The following TMEM165 variants were observed in gnomAD, a reference collection of about 807,000 sequenced individuals.
TMEM165 encodes transmembrane protein 165.
TMEM165 carries 19 observed loss-of-function variants against 30.0 expected under a neutral mutation model. The observed-to-expected ratio is 0.63, with a 90% CI of 0.44 to 0.93. TMEM165 has a LOEUF of 0.93. Among genes scored for constraint, TMEM165 ranks in the 40% least tolerant of loss-of-function variants. The pLI is 0.00. For missense variants in TMEM165, 340 were observed against 417.0 expected, an observed-to-expected ratio of 0.82 and a Z score of 1.61; for synonymous variants, 168 against 162.9, an observed-to-expected ratio of 1.03 and a Z score of -0.24.
chr4:55,436,840 T>A (rs1722911544), intron 3 of TMEM165, among the ~76,000 whole-genome samples: 1 of 151,640 alleles, frequency 6.6e-6, no homozygotes, highest in Non-Finnish European at 1.5e-5. Flanking sequence ...AGTGTATTTA[T>A]GAGGGGTATT....
intron 1 of TMEM165, among the ~76,000 whole-genome samples, chr4:55,402,795 C>CTTTTTTTTTT (rs71194554): frequency 0.035 from 2,462 of 71,106 alleles, 561 homozygotes; most frequent in Non-Finnish European, 0.05. Context: ...TTAAAAAAAG[C>CTTTTTTTTTT]TTTTTTTTTT....
intron 1 of TMEM165, among the ~76,000 whole-genome samples, chr4:55,397,650 C>CTCCTTTT (rs1172445360): frequency 6.6e-6 from 1 of 151,818 alleles, no homozygotes; most frequent in East Asian, 1.9e-4. Context: ...CCTCTCCTTT[C>CTCCTTTT]TCCTTTTTCC....
chr4:55,439,657 T>C (rs990449647), intron 3 of TMEM165, among the ~76,000 whole-genome samples: 2 of 152,120 alleles, frequency 1.3e-5, no homozygotes, highest in African/African-American at 2.4e-5. Context: ...CATAGTAGAG[T>C]AGAATATTAC....
At chr4:55,431,789 A>G (rs1722521913) in intron 3 of TMEM165, 1 of 152,236 alleles carries the variant, frequency 6.6e-6, no homozygotes. Flanking sequence ...TAGTGGAAAC[A>G]TCTGAAAACA....
At position 55,425,533 on chromosome 4, in the gene TMEM165, G is replaced by GTA; in HGVS notation, c.*81_*82insTA. The GTA allele has an allele frequency of 8.9e-7, 1 of 1,124,810 alleles. No homozygotes were observed. The highest frequency in any genetic ancestry group is 1.4e-5 in the South Asian group (1 of 72,170). The allele number at this position is 1,124,810 out of a possible 1,614,324, so 69.7% of individuals were successfully genotyped here. On this transcript the variant is annotated 3_prime_UTR_variant, in exon 6 of 6. Coordinates refer to ENST00000381334, the MANE Select transcript of TMEM165 (RefSeq NM_018475.5). ...CATAGTGTACATTACAACTAAAAGT[G>GTA]ATGGAAAAATACTGTATTTTGTAGC...
chr4:55,425,539 A>G lies in TMEM165; in HGVS notation c.*87A>G. ...GTACATTACAACTAAAAGTGATGGA[A>G]AAATACTGTATTTTGTAGCACTGAT... On this transcript the variant is annotated 3_prime_UTR_variant, in exon 6 of 6. Coordinates refer to ENST00000381334, the MANE Select transcript of TMEM165 (RefSeq NM_018475.5). 1 of 1,040,624 alleles carries G rather than the reference A, an allele frequency of 9.6e-7. No individual in the cohort carries two copies. Among genetic ancestry groups the G allele is most frequent in the Non-Finnish European group, 1.5e-6 (1 of 687,462 alleles). 64.5% of individuals were successfully genotyped at this position (1,040,624 alleles called of 1,614,324 possible).
At chr4:55,435,589 A>G (rs1393723335) in intron 3 of TMEM165, 3 of 1,613,728 alleles carry the variant, frequency 1.9e-6, no homozygotes, top group Admixed American at 3.3e-5. Context: ...GGAGCAACCT[A>G]GAAGTCTAAA....
In TMEM165 at chr4:55,403,706, C is replaced by T. The variant is rs141273195; in HGVS notation, c.207+7310C>T. 1.3e-4 allele frequency among the ~76,000 whole-genome samples: 20 copies of T among 152,202 alleles called. No homozygotes were observed. The East Asian group carries it at 3.7e-3, about 28-fold the overall frequency. On this transcript the variant is annotated intron_variant, in intron 1 of 5. Transcript: ENST00000381334. Reference sequence around the variant, plus strand: ...TCTCATTACTTACCATGATATATAACACTGTATAACTGAATAGTGGAATAC... The same window carrying T: ...TCTCATTACTTACCATGATATATAATACTGTATAACTGAATAGTGGAATAC...
chr4:55,429,346 G>GAC (rs1722370588), downstream of TMEM165: 1 of 152,158 alleles, frequency 6.6e-6, no homozygotes, highest in African/African-American at 2.4e-5. Flanking sequence ...TAGCCTGTGG[G>GAC]ACTCCATAGC....
intron 1 of TMEM165, among the ~76,000 whole-genome samples, chr4:55,406,179 A>T (rs968497632): frequency 3.9e-5 from 6 of 152,224 alleles, no homozygotes; most frequent in African/African-American, 1.4e-4. Flanking sequence ...AATACAGAGC[A>T]GTGCTTTTTG....
chr4:55,448,594 A>ACG (rs1553891178), intron 3 of TMEM165, among the ~76,000 whole-genome samples: 3,084 of 81,096 alleles, frequency 0.038, 51 homozygotes, highest in Non-Finnish European at 0.043. Context: ...GCGCGCGCGC[A>ACG]CGCGCGCGTG....
intron 3 of TMEM165, chr4:55,432,032 A>G (rs994971996): frequency 6.6e-6 from 1 of 152,224 alleles, no homozygotes; most frequent in Non-Finnish European, 1.5e-5. Context: ...TGAATGTTCT[A>G]TAACAAACTA....
chr4:55,440,095 C>T (rs776249975), intron 3 of TMEM165, among the ~76,000 whole-genome samples: 3 of 151,900 alleles, frequency 2.0e-5, no homozygotes, highest in Non-Finnish European at 2.9e-5. Flanking sequence ...ATATATGTGG[C>T]ACATGATTCA....
At chr4:55,451,490 G>C (rs1159867952) in intron 3 of TMEM165, among the ~76,000 whole-genome samples, 2 of 152,092 alleles carry the variant, frequency 1.3e-5, no homozygotes, top group East Asian at 3.8e-4. Flanking sequence ...CAAAATTCAT[G>C]ATTTTGAAAC....
chr4:55,451,989 T>A (rs1252087189), intron 3 of TMEM165, among the ~76,000 whole-genome samples: 2 of 152,174 alleles, frequency 1.3e-5, no homozygotes, highest in Non-Finnish European at 2.9e-5. Flanking sequence ...CCTATTTAAC[T>A]CAAGTTTTAT....
chr4:55,413,224 T>C (rs549963696), intron 2 of TMEM165, among the ~76,000 whole-genome samples: 11 of 152,250 alleles, frequency 7.2e-5, no homozygotes, highest in Non-Finnish European at 1.0e-4. Flanking sequence ...AAGCTATCTT[T>C]CCACCTTAGC....
chr4:55,403,437 C>G, intron 1 of TMEM165: 1 of 474,504 alleles, frequency 2.1e-6, no homozygotes, highest in Non-Finnish European at 3.0e-6. Flanking sequence ...TTTCTTCCTT[C>G]TCTTGAGGAT....
intron 1 of TMEM165, chr4:55,403,457 A>G (rs1721121349): frequency 3.7e-6 from 1 of 273,890 alleles, no homozygotes; most frequent in Non-Finnish European, 5.6e-6. Context: ...TCATGAAAGT[A>G]TAAAAGAATA....
chr4:55,414,269 CAAAA>C (rs1227098345), intron 2 of TMEM165, among the ~76,000 whole-genome samples: 1 of 92,434 alleles, frequency 1.1e-5, no homozygotes. Context: ...GACTCCGTCT[CAAAA>C]AAAAAAAAAA....
Sources: gnomAD v4.1 joint callset for allele counts (sites outside exome capture counted in the v4.1 genomes callset) on GRCh38, gnomAD v4.1.1 for gene constraint, MANE v1.5 for transcripts, NCBI Gene and HGNC (gene_info 2026-07-23, HGNC 2026-07-21) for gene names.